Variants in CDC16 observed in about 807,000 individuals in gnomAD.
The protein encoded by CDC16 is cell division cycle 16.
A neutral mutation model predicts 87.0 loss-of-function variants in CDC16; 34 were observed. The ratio of observed to expected loss-of-function variants is 0.39; its 90% CI spans 0.30 to 0.52. CDC16 has a LOEUF of 0.52. Among genes scored for constraint, CDC16 ranks in the 20% least tolerant of loss-of-function variants. The pLI is 0.74. For synonymous variants in CDC16, 263 were observed against 260.6 expected, an observed-to-expected ratio of 1.01 and a Z score of -0.09; for missense variants, 653 against 751.9, an observed-to-expected ratio of 0.87 and a Z score of 1.54.
chr13:114,241,163 A>G (rs2081532738), intron 5 of CDC16, among the ~76,000 whole-genome samples: 1 of 152,174 alleles, frequency 6.6e-6, no homozygotes, highest in Non-Finnish European at 1.5e-5. Flanking sequence ...TGGCTGTTGA[A>G]CGCCTTACTA....
In CDC16 at chr13:114,263,160, A is replaced by ATTTT. The variant is rs932102412; in HGVS notation, c.1512+146_1512+147insTTTT. ...TGTTATTCTTTTCTTTGCAGAGAAA[A>ATTTT]GCATGTGGGTGTTGTACAGTATTCA... is the stretch of plus-strand genomic sequence containing the variant. On this transcript the variant is annotated intron_variant, in intron 16 of 17. Transcript: ENST00000356221. 5.7e-6 allele frequency: 4 copies of ATTTT among 700,722 alleles called. No homozygotes were observed. In the African/African-American group the frequency reaches 7.2e-5, roughly 13 times the overall value. 43.4% of individuals were successfully genotyped at this position (700,722 alleles called of 1,614,324 possible). A position where few individuals can be genotyped will look rare whatever the true frequency, so the allele number is the denominator to read the frequency against.
At chr13:114,235,793 C>T (rs2081220601) in intron 1 of CDC16, among the ~76,000 whole-genome samples, 1 of 152,098 alleles carries the variant, frequency 6.6e-6, no homozygotes, top group South Asian at 2.1e-4. Context: ...CTGACGTGGC[C>T]AAATGTTTGC....
At chr13:114,242,067 A>AG in intron 5 of CDC16, 54 bp from the exon 6 acceptor site, 2 of 1,548,126 alleles carry the variant, frequency 1.3e-6, no homozygotes, top group Non-Finnish European at 1.7e-6. Context: ...AGAAAAAAAA[A>AG]AAGTTAAGTT....
At chr13:114,261,995 T>G in intron 15 of CDC16, 47 bp downstream of exon 15, 1 of 1,167,662 alleles carries the variant, frequency 8.6e-7, no homozygotes, top group Non-Finnish European at 1.3e-6. Flanking sequence ...TGTCTCAAAG[T>G]TTACTTAATT....
chr13:114,243,731 GT>G (rs1223679389), intron 7 of CDC16, 124 bp from the exon 8 acceptor site: 1 of 704,402 alleles, frequency 1.4e-6, no homozygotes, highest in African/African-American at 1.8e-5. Context: ...AAAGTTATAA[GT>G]TTTCAGAGGC....
At chr13:114,256,711 G>C (rs2082521423) in intron 12 of CDC16, among the ~76,000 whole-genome samples, 2 of 152,224 alleles carry the variant, frequency 1.3e-5, no homozygotes, top group Admixed American at 6.5e-5. Flanking sequence ...ACCCAATCTT[G>C]AAGGATAAAT....
intron 11 of CDC16, among the ~76,000 whole-genome samples, chr13:114,248,633 A>G (rs367820154): frequency 2.6e-5 from 4 of 152,054 alleles, no homozygotes; most frequent in African/African-American, 7.2e-5. Flanking sequence ...GTGAGCTGAG[A>G]TTGCACTACT....
At chr13:114,258,940 A>G (rs2082671918) in intron 13 of CDC16, among the ~76,000 whole-genome samples, 1 of 152,088 alleles carries the variant, frequency 6.6e-6, no homozygotes, top group Admixed American at 6.5e-5. Context: ...TCTACTAAAA[A>G]TACAGAAATT....
intron 1 of CDC16, among the ~76,000 whole-genome samples, 151 bp from the exon 2 acceptor site, chr13:114,236,490 AAGAT>A (rs2081256391): frequency 6.6e-6 from 1 of 152,158 alleles, no homozygotes; most frequent in Non-Finnish European, 1.5e-5. Context: ...CGTGAGATGT[AAGAT>A]AGAGATGTAA....
At chr13:114,257,944 G>T (rs867752405) in intron 13 of CDC16, among the ~76,000 whole-genome samples, 1 of 151,832 alleles carries the variant, frequency 6.6e-6, no homozygotes, top group South Asian at 2.1e-4. Context: ...CCACCACCAC[G>T]CCCGGCTAAT....
At chr13:114,257,784 G>T (rs758591921) in intron 13 of CDC16, among the ~76,000 whole-genome samples, 20 of 151,614 alleles carry the variant, frequency 1.3e-4, no homozygotes, top group Non-Finnish European at 2.8e-4. Context: ...AGTTTTTTTT[G>T]GTTTTTGTTT....
chr13:114,241,992 C>A, intron 5 of CDC16, 129 bp from the exon 6 acceptor site: 1 of 1,016,068 alleles, frequency 9.8e-7, no homozygotes, highest in Non-Finnish European at 1.4e-6. Flanking sequence ...TTCAAGGCTG[C>A]AGTGAGCTAT....
intron 6 of CDC16, among the ~76,000 whole-genome samples, chr13:114,242,990 A>T (rs1242627673): frequency 1.3e-5 from 2 of 152,174 alleles, no homozygotes; most frequent in Non-Finnish European, 2.9e-5. Flanking sequence ...CCACGCAGTC[A>T]GGAGTGCGGA....
chr13:114,240,708 A>G (rs1465549693), intron 5 of CDC16, among the ~76,000 whole-genome samples: 2 of 151,940 alleles, frequency 1.3e-5, no homozygotes, highest in Non-Finnish European at 2.9e-5. Context: ...TTCACCTTAG[A>G]TAGTTATTTT....
intron 12 of CDC16, 38 bp from the exon 13 acceptor site, chr13:114,257,040 T>G (rs1304008857): frequency 7.1e-7 from 1 of 1,403,510 alleles, no homozygotes; most frequent in Non-Finnish European, 9.8e-7. Flanking sequence ...AAATCACAGT[T>G]TTTGGTGTTG....
intron 13 of CDC16, among the ~76,000 whole-genome samples, chr13:114,257,890 G>A (rs892357667): frequency 3.3e-5 from 5 of 151,982 alleles, no homozygotes; most frequent in Admixed American, 6.6e-5. Flanking sequence ...AGGTTCAAGC[G>A]ATTCTCCTGC....
At chr13:114,272,086 T>A in intron 17 of CDC16, 98 bp from the exon 18 acceptor site, 1 of 679,070 alleles carries the variant, frequency 1.5e-6, no homozygotes, top group East Asian at 2.8e-5. Flanking sequence ...CTAAATAGTA[T>A]AATCTGACTT....
chr13:114,257,120 G>T lies in CDC16; in HGVS notation c.1140G>T (p.Leu380Phe), dbSNP rs77541839. ...TGTATATTGGATTAGAATATGGTTTGACCAATAACTCAAAACTAGCTGAAA... is the reference window on the plus strand; with the variant it reads ...TGTATATTGGATTAGAATATGGTTTTACCAATAACTCAAAACTAGCTGAAA... ...PMLYIGLEYGLTNNSKLAERF... is the reference protein window; with the variant it reads ...PMLYIGLEYGFTNNSKLAERF... Residue 380 changes from leucine (L) to phenylalanine (F), a missense_variant, in exon 13 of 18, where the codon TTG (leucine) becomes TTT (phenylalanine). Physicochemically the swap from Leu to Phe is conservative, Grantham distance 22. Coordinates refer to ENST00000356221, the MANE Select transcript of CDC16 (RefSeq NM_001078645.3). 1.9e-6 allele frequency: 3 copies of T among 1,611,888 alleles called. No individual in the cohort carries two copies. Among genetic ancestry groups the T allele is most frequent in the Non-Finnish European group, 2.5e-6 (3 of 1,178,414 alleles).
At chr13:114,257,304 C>G (rs890571200) in intron 13 of CDC16, 74 bp downstream of exon 13, 2 of 917,150 alleles carry the variant, frequency 2.2e-6, no homozygotes, top group African/African-American at 1.7e-5. Context: ...CTAGAGTTCA[C>G]TGACAAAAGC....
Sources: allele counts gnomAD v4.1 joint callset (sites outside exome capture counted in the v4.1 genomes callset), GRCh38; gene constraint gnomAD v4.1.1; transcripts MANE v1.5; gene names NCBI Gene and HGNC (gene_info 2026-07-23, HGNC 2026-07-21).